LCTL: variants seen among roughly 807,000 people sequenced by gnomAD.
LCTL encodes the protein lactase like.
In LCTL, 76 loss-of-function variants were observed where a neutral mutation model predicts 75.8. The observed-to-expected ratio is 1.00, with a 90% CI of 0.83 to 1.21. LCTL has a LOEUF of 1.21. Among genes scored for constraint, LCTL ranks in the 50% most tolerant of loss-of-function variants. The pLI is 0.00. For synonymous variants in LCTL, 271 were observed against 268.8 expected (o/e 1.01, Z -0.08); for missense variants, 670 against 712.4 (o/e 0.94, Z 0.68).
chr15:66,557,778 C>T lies in LCTL; in HGVS notation c.866G>A (p.Trp289Ter). 6.2e-7 allele frequency: 1 copy of T among 1,614,142 alleles called. No individual in the cohort carries two copies. Among genetic ancestry groups the T allele is most frequent in the Non-Finnish European group, 8.5e-7 (1 of 1,180,024 alleles). ...ACCGGCATAAATGGGGTTGGCAAAC[C>T]AGCCCAGACAGAACTGTAGGTATCT... The change falls in exon 8 of 13, where the codon TGG becomes TAG. Residue 289 changes from tryptophan to a stop codon, truncating the protein, a stop_gained. Coordinates refer to ENST00000341509, the Ensembl canonical transcript of LCTL. LOFTEE classifies it high-confidence loss of function.
At chr15:66,548,310 TA>T (rs902775017) in exon 13 of LCTL, 43 of 408,252 alleles carry the variant, frequency 1.1e-4, no homozygotes, top group Middle Eastern at 6.7e-4. Context: ...TTTTTTTTTT[TA>T]ATTTCTGCTT....
At chr15:66,562,942 GT>G (rs1299160558) in intron 4 of LCTL, among the ~76,000 whole-genome samples, 3 of 152,180 alleles carry the variant, frequency 2.0e-5, no homozygotes, top group Admixed American at 1.3e-4. Flanking sequence ...TTTATGCCAA[GT>G]TTTTTAGAAA....
At chr15:66,548,848 T>A (rs773411956) in intron 12 of LCTL, 3 of 270,004 alleles carry the variant, frequency 1.1e-5, no homozygotes, top group Non-Finnish European at 2.1e-5. Flanking sequence ...CTTCTACAGG[T>A]GCTATAATAA....
At chr15:66,557,666 A>C in intron 8 of LCTL, 56 bp downstream of exon 9, 1 of 1,569,176 alleles carries the variant, frequency 6.4e-7, no homozygotes, top group Non-Finnish European at 8.7e-7. Flanking sequence ...TGCTTGTTTC[A>C]CATGGGCTCA....
At chr15:66,554,507 G>A (rs1455320837) in intron 8 of LCTL, among the ~76,000 whole-genome samples, 1 of 152,162 alleles carries the variant, frequency 6.6e-6, no homozygotes, top group Non-Finnish European at 1.5e-5. Flanking sequence ...TTTGGGAAGG[G>A]AACTGGAAGG....
intron 4 of LCTL, among the ~76,000 whole-genome samples, chr15:66,562,402 C>CA (rs201874546): frequency 0.088 from 9,260 of 105,342 alleles, 714 homozygotes; most frequent in African/African-American, 0.22. Context: ...GACTCCATCT[C>CA]AAAAAAAAAA....
chr15:66,550,898 A>T (rs1238265654), intron 11 of LCTL, among the ~76,000 whole-genome samples: 3 of 152,158 alleles, frequency 2.0e-5, no homozygotes, highest in Non-Finnish European at 4.4e-5. Context: ...AGGATTACTA[A>T]GTTTGATTAC....
At chr15:66,560,146 G>A (rs1895851440) in intron 6 of LCTL, among the ~76,000 whole-genome samples, 1 of 152,064 alleles carries the variant, frequency 6.6e-6, no homozygotes, top group South Asian at 2.1e-4. Flanking sequence ...GAAATCATAA[G>A]CCAAATGTAG....
intron 8 of LCTL, among the ~76,000 whole-genome samples, chr15:66,554,263 C>G (rs1017290820): frequency 6.8e-6 from 1 of 147,880 alleles, no homozygotes; most frequent in Non-Finnish European, 1.5e-5. Context: ...TGCACTCCAG[C>G]CTGGGCGACA....
intron 11 of LCTL, 43 bp from the exon 13 acceptor site, chr15:66,550,147 T>A (rs755051165): frequency 8.1e-7 from 1 of 1,238,146 alleles, no homozygotes; most frequent in Admixed American, 2.2e-5. Context: ...CTTAGACTAA[T>A]TTTTTGCTGT....
intron 2 of LCTL, 82 bp from the exon 4 acceptor site, chr15:66,564,080 C>T: frequency 1.1e-6 from 1 of 887,226 alleles, no homozygotes; most frequent in Non-Finnish European, 1.9e-6. Flanking sequence ...AGGGCCGAGG[C>T]TCACTCTTGT....
At position 66,552,038 on chromosome 15, in the gene LCTL, C is replaced by A. The variant is rs936224179; in HGVS notation, c.1324+5G>T. The A allele has an allele frequency of 6.2e-7, 1 of 1,607,980 alleles. No homozygotes were observed. Among genetic ancestry groups the A allele is most frequent in the South Asian group, 1.1e-5 (1 of 89,320 alleles). ...AACTGCAGACAATCTTGGTTTGTGT[C>A]TCACCTTTTAGCATTTCATTTATGT... On this transcript the variant is annotated splice_donor_5th_base_variant and intron_variant, in intron 10 of 12. Coordinates refer to ENST00000341509, the Ensembl canonical transcript of LCTL.
intron 12 of LCTL, 117 bp downstream of exon 13, chr15:66,549,924 C>G: frequency 1.7e-6 from 1 of 571,448 alleles, no homozygotes; most frequent in Non-Finnish European, 2.9e-6. Context: ...TGATTTTAAT[C>G]ATAAGTAGTT....
chr15:66,564,863 GTCCCAGGTGC>G, intron 1 of LCTL, 24 bp from the exon 3 acceptor site: 1 of 1,600,994 alleles, frequency 6.2e-7, no homozygotes, highest in African/African-American at 1.3e-5. Flanking sequence ...CCCGTGCTGG[GTCCCAGGTGC>G]TCCCATGTGT....
At chr15:66,555,711 G>C (rs183205963) in intron 8 of LCTL, among the ~76,000 whole-genome samples, 1 of 152,076 alleles carries the variant, frequency 6.6e-6, no homozygotes, top group East Asian at 1.9e-4. Context: ...TTAAAAATTT[G>C]GGAATCAAGA....
At chr15:66,559,277 GT>G (rs1895823746) in intron 6 of LCTL, among the ~76,000 whole-genome samples, 1 of 152,158 alleles carries the variant, frequency 6.6e-6, no homozygotes, top group Non-Finnish European at 1.5e-5. Context: ...AGAATTCGGG[GT>G]TGTTTTGTTT....
At chr15:66,563,756 G>T in intron 3 of LCTL, 131 bp from the exon 5 acceptor site, 1 of 844,196 alleles carries the variant, frequency 1.2e-6, no homozygotes, top group African/African-American at 1.7e-5. Context: ...CAGCATTCTG[G>T]GAGCCCAGTT....
At chr15:66,550,330 C>A (rs1348035) in intron 11 of LCTL, among the ~76,000 whole-genome samples, 15,359 of 152,196 alleles carry the variant, frequency 0.1, 875 homozygotes, top group Middle Eastern at 0.13. Context: ...GGAGTGTACA[C>A]TCTAGTGCTT....
chr15:66,562,631 C>T (rs1183267385), intron 4 of LCTL, among the ~76,000 whole-genome samples: 1 of 150,782 alleles, frequency 6.6e-6, no homozygotes, highest in Non-Finnish European at 1.5e-5. Context: ...ATTGCCCAGG[C>T]TGGAGTGCAA....
Sources: gnomAD v4.1 joint callset for allele counts (sites outside exome capture counted in the v4.1 genomes callset) on GRCh38, gnomAD v4.1.1 for gene constraint, MANE v1.5 for transcripts, NCBI Gene and HGNC (gene_info 2026-07-23, HGNC 2026-07-21) for gene names.